The following WASHC5 variants were observed in gnomAD, a reference collection of about 807,000 sequenced individuals.
WASHC5 encodes WASH complex subunit 5.
In WASHC5, 101 loss-of-function variants were observed where a neutral mutation model predicts 150.4. The observed-to-expected ratio is 0.67, with a 90% CI of 0.57 to 0.79. WASHC5 has a LOEUF of 0.79. WASHC5 is among the 30% of genes least tolerant of loss of function. WASHC5 has a pLI of 0.00. For missense variants in WASHC5, 1,195 were observed against 1,396.3 expected (o/e 0.86, Z 2.30); for synonymous variants, 467 against 491.2 (o/e 0.95, Z 0.65).
intron 1 of WASHC5, among the ~76,000 whole-genome samples, chr8:125,084,897 C>T (rs1329527397): frequency 6.6e-6 from 1 of 152,226 alleles, no homozygotes; most frequent in Admixed American, 6.5e-5. Context: ...CTAAGCATCT[C>T]TGTTTTTAAG....
chr8:125,072,315 G>A (rs1351896406), intron 9 of WASHC5, among the ~76,000 whole-genome samples: 1 of 127,690 alleles, frequency 7.8e-6, no homozygotes, highest in Non-Finnish European at 1.6e-5. Flanking sequence ...CTCAAACCTG[G>A]GGAACTTGAG....
intron 25 of WASHC5, among the ~76,000 whole-genome samples, chr8:125,037,895 G>A (rs1027045099): frequency 2.6e-5 from 4 of 152,180 alleles, no homozygotes; most frequent in African/African-American, 4.8e-5. Context: ...CAGTCAGGGC[G>A]TACATGGCCA....
chr8:125,057,525 AGAGTAAATATCACCCT>A lies in WASHC5; in HGVS notation c.1875+15_1875+30del. On this transcript the variant is annotated intron_variant, in intron 15 of 28. Transcript: ENST00000318410. ...TATTTAAAACAGCAGTTATCTGGCA[AGAGTAAATATCACCCT>A]GATGCATTTCTTACTTTTCTCACAT... 7.3e-7 allele frequency: 1 copy of A among 1,373,676 alleles called. No individual in the cohort carries two copies. Among genetic ancestry groups the A allele is most frequent in the Non-Finnish European group, 1.0e-6 (1 of 964,912 alleles). 85.1% of individuals were successfully genotyped at this position (1,373,676 alleles called of 1,614,324 possible). A position where few individuals can be genotyped will look rare whatever the true frequency, so the allele number is the denominator to read the frequency against.
intron 9 of WASHC5, among the ~76,000 whole-genome samples, chr8:125,069,565 T>C (rs74583996): frequency 0.026 from 3,977 of 152,264 alleles, 176 homozygotes; most frequent in African/African-American, 0.092. Flanking sequence ...TAGATATATG[T>C]ATATGTCATG....
chr8:125,065,942 T>A (rs1239787485), intron 10 of WASHC5, among the ~76,000 whole-genome samples: 1 of 152,154 alleles, frequency 6.6e-6, no homozygotes, highest in Non-Finnish European at 1.5e-5. Context: ...GCGGGCATTT[T>A]TTCATTTGCC....
At chr8:125,050,867 GT>G (rs1251637073) in intron 17 of WASHC5, among the ~76,000 whole-genome samples, 6 of 152,154 alleles carry the variant, frequency 3.9e-5, no homozygotes, top group Admixed American at 3.9e-4. Flanking sequence ...TTAGGACTCT[GT>G]TTATTTCAGC....
rs570445102 is a variant in WASHC5, at chr8:125,058,529, T to C, written c.1764+693A>G. On this transcript the variant is annotated intron_variant, in intron 14 of 28. Transcript: ENST00000318410. ...TGGGAGGCCAAGGCAGGAGGAACAT[T>C]TGAGGTTAGGAATTCAAGACCAGCC... 3.3e-5 allele frequency among the ~76,000 whole-genome samples: 5 copies of C among 152,154 alleles called. No individual in the cohort carries two copies. In the East Asian group the frequency reaches 9.7e-4, roughly 29 times the overall value.
Position 125,030,574 on chromosome 8 carries a change from T to TCA in WASHC5, c.3335+1665_3335+1666dup, listed in dbSNP as rs930703832. On this transcript the variant is annotated intron_variant, in intron 27 of 28. Coordinates refer to ENST00000318410, the MANE Select transcript of WASHC5 (RefSeq NM_014846.4). ...TATGCACTGGATGTCAAGAAACCCATCACTGCAAAGCCGAGATCACGCCAC... is the reference window on the plus strand; with the variant it reads ...TATGCACTGGATGTCAAGAAACCCATCACACTGCAAAGCCGAGATCACGCCAC... Among the ~76,000 whole-genome samples the TCA allele has an allele frequency of 1.1e-4, 14 of 133,326 alleles. No individual in the cohort carries two copies. In the Admixed American group the frequency reaches 1.2e-3, roughly 11 times the overall value. 87.5% of individuals were successfully genotyped at this position (133,326 alleles called of 152,430 possible).
chr8:125,028,487 A>C, intron 28 of WASHC5, 133 bp downstream of exon 28: 1 of 667,266 alleles, frequency 1.5e-6, no homozygotes, highest in Non-Finnish European at 2.7e-6. Flanking sequence ...AGCTGGGGGT[A>C]GAGCAGTGGC....
At chr8:125,074,916 CT>C (rs1419067770) in intron 8 of WASHC5, 81 bp downstream of exon 8, 3 of 852,652 alleles carry the variant, frequency 3.5e-6, no homozygotes, top group Non-Finnish European at 4.1e-6. Flanking sequence ...TTCCAAATTC[CT>C]TGGGAAATCT....
At chr8:125,048,933 T>A in intron 19 of WASHC5, 73 bp downstream of exon 19, 1 of 1,222,598 alleles carries the variant, frequency 8.2e-7, no homozygotes, top group Non-Finnish European at 1.1e-6. Context: ...TTGACATTTC[T>A]GAGGTTTGGG....
At chr8:125,041,417 A>C (rs1815882854) in intron 23 of WASHC5, among the ~76,000 whole-genome samples, 1 of 152,206 alleles carries the variant, frequency 6.6e-6, no homozygotes, top group Non-Finnish European at 1.5e-5. Flanking sequence ...AGGCAGGCTG[A>C]TCGCTTGAGG....
In WASHC5 at chr8:125,062,766, A is replaced by G. The variant is rs1384181389; in HGVS notation, c.1408+756T>C. On this transcript the variant is annotated intron_variant, in intron 11 of 28. Coordinates refer to ENST00000318410, the MANE Select transcript of WASHC5 (RefSeq NM_014846.4). Reference sequence around the variant, plus strand: ...AAGCTACACTACTAAGCAATTCTACAGTATAATTAACTTCATCAGAAATAG... The same window carrying G: ...AAGCTACACTACTAAGCAATTCTACGGTATAATTAACTTCATCAGAAATAG... 3.6e-4 allele frequency among the ~76,000 whole-genome samples: 55 copies of G among 152,226 alleles called. 1 individual carries two copies. Among genetic ancestry groups the G allele is most frequent in the Admixed American group, 3.0e-3 (46 of 15,274 alleles).
intron 17 of WASHC5, among the ~76,000 whole-genome samples, chr8:125,054,132 C>T (rs57431630): frequency 0.11 from 16,562 of 152,110 alleles, 2,102 homozygotes; most frequent in African/African-American, 0.31. Context: ...GGGATATGCT[C>T]AGAGACGTTC....
chr8:125,075,344 T>C (rs568715972), intron 7 of WASHC5, among the ~76,000 whole-genome samples: 1 of 152,302 alleles, frequency 6.6e-6, no homozygotes, highest in South Asian at 2.1e-4. Flanking sequence ...ACGTTGCTTT[T>C]TGAAATTCTC....
chr8:125,070,144 G>C (rs932964810), intron 9 of WASHC5, among the ~76,000 whole-genome samples: 3 of 152,154 alleles, frequency 2.0e-5, no homozygotes, highest in African/African-American at 7.2e-5. Context: ...TATTTCCTCA[G>C]AGAATATTTC....
chr8:125,046,261 T>G (rs1816065166), intron 20 of WASHC5, among the ~76,000 whole-genome samples: 1 of 152,154 alleles, frequency 6.6e-6, no homozygotes, highest in South Asian at 2.1e-4. Flanking sequence ...CAAGCTGATC[T>G]TAGTACCAAC....
At chr8:125,063,207 TG>T (rs1816653718) in intron 11 of WASHC5, among the ~76,000 whole-genome samples, 1 of 152,168 alleles carries the variant, frequency 6.6e-6, no homozygotes, top group African/African-American at 2.4e-5. Flanking sequence ...ACCATGGAGA[TG>T]GAGGCCAACT....
intron 28 of WASHC5, among the ~76,000 whole-genome samples, chr8:125,025,912 A>G (rs945000373): frequency 5.9e-5 from 9 of 151,700 alleles, no homozygotes; most frequent in African/African-American, 2.2e-4. Flanking sequence ...GCTAAATCTT[A>G]TATTATGAAC....
Sources: allele counts gnomAD v4.1 joint callset (sites outside exome capture counted in the v4.1 genomes callset), GRCh38; gene constraint gnomAD v4.1.1; transcripts MANE v1.5; gene names NCBI Gene and HGNC (gene_info 2026-07-23, HGNC 2026-07-21).